PRSS12: variants seen among roughly 807,000 people sequenced by gnomAD.
The protein encoded by PRSS12 is neurotrypsin.
Under a neutral mutation model 104.4 loss-of-function variants are expected in PRSS12, and 85 were observed. That is an observed-to-expected ratio of 0.81 (90% confidence interval 0.68 to 0.98). The LOEUF is 0.98. PRSS12 is among the 50% of genes least tolerant of loss of function. The probability of loss-of-function intolerance (pLI) is 0.00; values close to 1 mark genes in which losing one functional copy is unlikely to be tolerated. For missense variants in PRSS12, 1,141 were observed against 1,139.2 expected, an observed-to-expected ratio of 1.00 and a Z score of -0.02; for synonymous variants, 454 against 425.2, an observed-to-expected ratio of 1.07 and a Z score of -0.83.
At chr4:118,336,405 AG>A (rs1001497759) in intron 2 of PRSS12, among the ~76,000 whole-genome samples, 8 of 148,874 alleles carry the variant, frequency 5.4e-5, no homozygotes, top group African/African-American at 1.2e-4. Flanking sequence ...ATTTTAAAAA[AG>A]GTGAAATGCT....
At chr4:118,325,521 T>C (rs1195281473) in intron 4 of PRSS12, among the ~76,000 whole-genome samples, 1 of 152,100 alleles carries the variant, frequency 6.6e-6, no homozygotes, top group Non-Finnish European at 1.5e-5. Context: ...GCTAACTTTT[T>C]AGTTTAAGTT....
At chr4:118,294,414 G>C (rs1406542614) in intron 11 of PRSS12, among the ~76,000 whole-genome samples, 1 of 152,134 alleles carries the variant, frequency 6.6e-6, no homozygotes, top group Non-Finnish European at 1.5e-5. Flanking sequence ...GACTCTGCAT[G>C]ACCTCTCCTC....
At chr4:118,331,091 T>C (rs1340365921) in intron 4 of PRSS12, among the ~76,000 whole-genome samples, 2 of 152,174 alleles carry the variant, frequency 1.3e-5, no homozygotes, top group African/African-American at 4.8e-5. Flanking sequence ...AATATAATTT[T>C]AGAGAAACTT....
At chr4:118,317,329 G>A (rs1265572294) in intron 5 of PRSS12, among the ~76,000 whole-genome samples, 6 of 152,044 alleles carry the variant, frequency 3.9e-5, no homozygotes, top group Admixed American at 2.6e-4. Flanking sequence ...AGATTTAAAA[G>A]CCATTTCCAA....
At chr4:118,327,181 G>C (rs1055758540) in intron 4 of PRSS12, among the ~76,000 whole-genome samples, 24 of 151,946 alleles carry the variant, frequency 1.6e-4, no homozygotes, top group African/African-American at 5.8e-4. Flanking sequence ...TTGAAACAGG[G>C]TCTTACTCTG....
intron 1 of PRSS12, among the ~76,000 whole-genome samples, chr4:118,344,014 A>G (rs922080835): frequency 2.9e-4 from 44 of 152,192 alleles, no homozygotes; most frequent in African/African-American, 9.2e-4. Context: ...GATGCATAAA[A>G]TAATTAGTTT....
At position 118,323,916 on chromosome 4, in the gene PRSS12, T is replaced by A. The variant is rs11933355; in HGVS notation, c.972-5360A>T. Among the ~76,000 whole-genome samples the A allele has an allele frequency of 6.7e-3, 1,026 of 152,050 alleles. 13 individuals carry two copies. Among genetic ancestry groups the A allele is most frequent in the African/African-American group, 0.023 (944 of 41,524 alleles). On this transcript the variant is annotated intron_variant, in intron 4 of 12. Coordinates refer to ENST00000296498, the MANE Select transcript of PRSS12 (RefSeq NM_003619.4). ...ATATCTAGATAGATAGATAATTTTTTAAAGACAGCATCTGGTTCTGTCACT... is the reference window on the plus strand; with the variant it reads ...ATATCTAGATAGATAGATAATTTTTAAAAGACAGCATCTGGTTCTGTCACT...
At chr4:118,317,993 A>G (rs1723494426) in intron 5 of PRSS12, among the ~76,000 whole-genome samples, 1 of 152,210 alleles carries the variant, frequency 6.6e-6, no homozygotes, top group Admixed American at 6.5e-5. Context: ...TTAATCAACA[A>G]TTGCATCAAT....
chr4:118,318,859 C>A (rs1405645258), intron 4 of PRSS12, among the ~76,000 whole-genome samples: 2 of 151,974 alleles, frequency 1.3e-5, no homozygotes, highest in Admixed American at 1.3e-4. Flanking sequence ...ACATTTTGGC[C>A]TCCCCTCCTT....
Position 118,313,320 on chromosome 4 carries a change from C to A in PRSS12, c.1370G>T (p.Gly457Val), listed in dbSNP as rs749193537. The change falls in exon 7 of 13, where the codon GGA becomes GTA. Residue 457 changes from glycine to valine, a missense_variant. Gly to Val is a moderately radical substitution (Grantham distance 109). Transcript: ENST00000296498. ...PIWLDDVSCS[G>V]KETRFLQCSR... ...ACACTGAAGAAATCTGGTTTCCTTT[C>A]CTGAGCAGCTGACGTCATCCAACCA... 6.2e-7 allele frequency: 1 copy of A among 1,614,122 alleles called. No individual in the cohort carries two copies. The highest frequency in any genetic ancestry group is 1.3e-5 in the African/African-American group (1 of 75,036).
chr4:118,299,602 C>T (rs1286960072), intron 8 of PRSS12, among the ~76,000 whole-genome samples: 2 of 151,476 alleles, frequency 1.3e-5, no homozygotes, highest in African/African-American at 4.9e-5. Context: ...ATCACTTGAA[C>T]CGAAGAGGCG....
chr4:118,319,453 T>C (rs553938075), intron 4 of PRSS12, among the ~76,000 whole-genome samples: 18 of 152,250 alleles, frequency 1.2e-4, no homozygotes, highest in Non-Finnish European at 1.3e-4. Flanking sequence ...CAAGGATGGC[T>C]GGAGCCTAAT....
At position 118,330,978 on chromosome 4, in the gene PRSS12, C is replaced by T. The variant is rs138084229; in HGVS notation, c.971+738G>A. On this transcript the variant is annotated intron_variant, in intron 4 of 12. Transcript: ENST00000296498. Reference sequence around the variant, plus strand: ...GAACAGGCCTCCCATCATTGGCCCCCTCAGTGCTAAATGAAATATTTTTAA... The same window carrying T: ...GAACAGGCCTCCCATCATTGGCCCCTTCAGTGCTAAATGAAATATTTTTAA... Among the ~76,000 whole-genome samples the T allele has an allele frequency of 1.7e-4, 26 of 152,240 alleles. No homozygotes were observed. In the East Asian group the frequency reaches 5.0e-3, roughly 29 times the overall value.
In PRSS12 at chr4:118,335,834, C is replaced by T. The variant is rs546502193; in HGVS notation, c.642-183G>A. Among the ~76,000 whole-genome samples, 8 of 152,276 alleles carry T rather than the reference C, an allele frequency of 5.3e-5. No individual in the cohort carries two copies. In the South Asian group the frequency reaches 1.0e-3, roughly 20 times the overall value. On this transcript the variant is annotated intron_variant, in intron 2 of 12. Coordinates refer to ENST00000296498, the MANE Select transcript of PRSS12 (RefSeq NM_003619.4). ...AGGAAATCAAAACATCAGATCACAACGTGGTTTGCCTACTTATGGAATTCT... is the reference window on the plus strand; with the variant it reads ...AGGAAATCAAAACATCAGATCACAATGTGGTTTGCCTACTTATGGAATTCT...
chr4:118,328,365 CCT>C lies in PRSS12; in HGVS notation c.971+3349_971+3350del, dbSNP rs551196567. Among the ~76,000 whole-genome samples the C allele has an allele frequency of 3.2e-3, 488 of 152,232 alleles. 2 individuals are homozygous for C. The highest frequency in any genetic ancestry group is 0.011 in the African/African-American group (463 of 41,546). On this transcript the variant is annotated intron_variant, in intron 4 of 12. Transcript: ENST00000296498. ...TTTTAATCACTTTTCCAAAGAATCC[CCT>C]CATAGGAAAAGCAGCAATGAGCTAG...
At chr4:118,335,324 C>G in intron 3 of PRSS12, 149 bp downstream of exon 3, 1 of 850,862 alleles carries the variant, frequency 1.2e-6, no homozygotes. Flanking sequence ...ATATTGAAGA[C>G]TAATTAGATG....
chr4:118,329,908 G>A (rs369410087), intron 4 of PRSS12, among the ~76,000 whole-genome samples: 15 of 152,186 alleles, frequency 9.9e-5, no homozygotes, highest in African/African-American at 3.6e-4. Context: ...AGCAGGCACC[G>A]GGAAACTTTG....
At chr4:118,283,258 C>A in intron 11 of PRSS12, 147 bp from the exon 12 acceptor site, 1 of 972,400 alleles carries the variant, frequency 1.0e-6, no homozygotes, top group Non-Finnish European at 1.6e-6. Context: ...ATCTGACCCA[C>A]CATTCCTGAT....
chr4:118,351,814 T>C (rs1348308611), intron 1 of PRSS12, among the ~76,000 whole-genome samples: 2 of 152,158 alleles, frequency 1.3e-5, no homozygotes, highest in African/African-American at 4.8e-5. Context: ...AACATTTCCC[T>C]TTCCAGAACA....
Sources: gnomAD v4.1 joint callset for allele counts (sites outside exome capture counted in the v4.1 genomes callset) on GRCh38, gnomAD v4.1.1 for gene constraint, MANE v1.5 for transcripts, NCBI Gene and HGNC (gene_info 2026-07-23, HGNC 2026-07-21) for gene names.